The following SNX29 variants were observed in gnomAD, a reference collection of about 807,000 sequenced individuals.
SNX29 encodes sorting nexin 29, also known as sorting nexin-29.
In SNX29, 78 loss-of-function variants were observed where a neutral mutation model predicts 102.1. The ratio of observed to expected loss-of-function variants is 0.76; its 90% CI spans 0.64 to 0.92. The LOEUF is 0.92. Among genes scored for constraint, SNX29 ranks in the 40% least tolerant of loss-of-function variants. SNX29 has a pLI of 0.00. For missense variants in SNX29, 1,280 were observed against 1,061.7 expected, an observed-to-expected ratio of 1.21 and a Z score of -2.86; for synonymous variants, 580 against 414.5, an observed-to-expected ratio of 1.40 and a Z score of -4.85.
chr16:12,560,864 A>C (rs1055380728), intron 20 of SNX29: 1 of 185,070 alleles, frequency 5.4e-6, no homozygotes, highest in African/African-American at 2.3e-5. Flanking sequence ...AATTGGTGTT[A>C]GTCCTTTAGT....
At chr16:12,360,645 C>T (rs74008988) in intron 16 of SNX29, among the ~76,000 whole-genome samples, 6,611 of 151,046 alleles carry the variant, frequency 0.044, 285 homozygotes, top group African/African-American at 0.11. Context: ...TAATCCCCAT[C>T]CCCCCACCCC....
chr16:12,554,972 G>GGGGGGT (rs1457202578), intron 20 of SNX29, among the ~76,000 whole-genome samples: 21 of 151,128 alleles, frequency 1.4e-4, no homozygotes, highest in African/African-American at 4.9e-4. Context: ...TGGTGAGGGG[G>GGGGGGT]GTCAGTCAGC....
intron 19 of SNX29, among the ~76,000 whole-genome samples, chr16:12,509,666 C>T (rs748098410): frequency 3.9e-5 from 6 of 152,156 alleles, no homozygotes; most frequent in Admixed American, 2.0e-4. Context: ...CACCTGTAAT[C>T]GCAGCACTTT....
chr16:12,072,929 C>T (rs934107431), intron 10 of SNX29, among the ~76,000 whole-genome samples: 1 of 152,188 alleles, frequency 6.6e-6, no homozygotes, highest in African/African-American at 2.4e-5. Context: ...TTATCCATTT[C>T]TTCTAGATTT....
At chr16:12,244,707 G>A (rs2078211406) in intron 14 of SNX29, among the ~76,000 whole-genome samples, 1 of 152,098 alleles carries the variant, frequency 6.6e-6, no homozygotes, top group African/African-American at 2.4e-5. Flanking sequence ...TCAGAGCCCT[G>A]GTATCTAAAT....
rs75970447 is a variant in SNX29 at position 12,570,802 on chromosome 16, G to T, written c.*2173G>T. The T allele has an allele frequency of 7.5e-3, 1,754 of 232,558 alleles. 33 individuals carry two copies. Among genetic ancestry groups the T allele is most frequent in the African/African-American group, 0.036 (1,649 of 45,422 alleles). The allele number at this position is 232,558 out of a possible 1,614,324, so 14.4% of individuals were successfully genotyped here. A position where few individuals can be genotyped will look rare whatever the true frequency, so the allele number is the denominator to read the frequency against. ...ATGCAACAGTCCCCCATTGCTGAGAGATACTAACCCGTGAGAAACAAGTAT... is the reference window on the plus strand; with the variant it reads ...ATGCAACAGTCCCCCATTGCTGAGATATACTAACCCGTGAGAAACAAGTAT... On this transcript the variant is annotated 3_prime_UTR_variant, in exon 21 of 21. Coordinates refer to ENST00000566228, the MANE Select transcript of SNX29 (RefSeq NM_032167.5).
chr16:12,225,951 G>A (rs1310463762), intron 14 of SNX29, among the ~76,000 whole-genome samples: 2 of 152,166 alleles, frequency 1.3e-5, no homozygotes, highest in Non-Finnish European at 2.9e-5. Flanking sequence ...ATTGAGTTCT[G>A]TGTTTTACAC....
chr16:12,316,879 A>G (rs2080762517), intron 15 of SNX29, among the ~76,000 whole-genome samples: 1 of 152,184 alleles, frequency 6.6e-6, no homozygotes, highest in Admixed American at 6.5e-5. Flanking sequence ...TTGGGAAGGT[A>G]TGGAGGGGAT....
Position 12,570,393 on chromosome 16 carries a change from C to T in SNX29, c.*1764C>T, listed in dbSNP as rs868513780. On this transcript the variant is annotated 3_prime_UTR_variant, in exon 21 of 21. Transcript: ENST00000566228. The stretch of plus-strand genomic sequence containing the variant: ...CATGGTTTATCTGAAATTCCAAGGC[C>T]AGAGTGCACATCAGCTCACATGACT... 18 of 320,112 alleles carry T rather than the reference C, an allele frequency of 5.6e-5. No homozygotes were observed. In the Middle Eastern group the frequency reaches 4.1e-3, roughly 73 times the overall value. 19.8% of individuals were successfully genotyped at this position (320,112 alleles called of 1,614,324 possible). A position where few individuals can be genotyped will look rare whatever the true frequency, so the allele number is the denominator to read the frequency against.
At chr16:12,239,033 T>A (rs181105539) in intron 14 of SNX29, among the ~76,000 whole-genome samples, 12 of 152,340 alleles carry the variant, frequency 7.9e-5, no homozygotes, top group Admixed American at 7.8e-4. Flanking sequence ...AGGAGTCTCA[T>A]CTCACAACTT....
At chr16:12,516,299 G>A (rs981543237) in intron 19 of SNX29, among the ~76,000 whole-genome samples, 2 of 152,068 alleles carry the variant, frequency 1.3e-5, no homozygotes, top group Non-Finnish European at 2.9e-5. Context: ...GGGCAACATA[G>A]TGAGACCCCG....
At chr16:12,214,143 G>A (rs926863934) in intron 14 of SNX29, among the ~76,000 whole-genome samples, 128 of 152,272 alleles carry the variant, frequency 8.4e-4, no homozygotes, top group African/African-American at 2.9e-3. Context: ...CCTGGCAGGG[G>A]CTTTCTTCTC....
At chr16:12,154,629 C>A (rs2055457059) in intron 13 of SNX29, among the ~76,000 whole-genome samples, 1 of 152,198 alleles carries the variant, frequency 6.6e-6, no homozygotes, top group Non-Finnish European at 1.5e-5. Flanking sequence ...CTTAGTCCAT[C>A]CGGGCTACTA....
At chr16:12,207,923 A>C (rs958919604) in intron 14 of SNX29, among the ~76,000 whole-genome samples, 8 of 152,134 alleles carry the variant, frequency 5.3e-5, no homozygotes, top group Non-Finnish European at 8.8e-5. Flanking sequence ...ACTTAGAAAC[A>C]TGCAGGTTTT....
chr16:12,202,066 C>T (rs1195163718), intron 14 of SNX29, among the ~76,000 whole-genome samples: 1 of 152,176 alleles, frequency 6.6e-6, no homozygotes, highest in Non-Finnish European at 1.5e-5. Context: ...GCAGCTCTTA[C>T]ATGAATTAGA....
At chr16:12,320,819 T>C (rs1263931413) in intron 15 of SNX29, among the ~76,000 whole-genome samples, 1 of 152,246 alleles carries the variant, frequency 6.6e-6, no homozygotes, top group East Asian at 1.9e-4. Context: ...CGTGTTCCAA[T>C]TCTTTAGATG....
At chr16:12,218,877 C>G (rs1205434063) in intron 14 of SNX29, among the ~76,000 whole-genome samples, 8 of 152,152 alleles carry the variant, frequency 5.3e-5, no homozygotes, top group African/African-American at 1.9e-4. Context: ...CGGGTTCACG[C>G]CATTCTCCTG....
At chr16:12,266,413 G>C (rs2078930040) in intron 14 of SNX29, among the ~76,000 whole-genome samples, 1 of 152,142 alleles carries the variant, frequency 6.6e-6, no homozygotes, top group African/African-American at 2.4e-5. Context: ...GATTTCAGTT[G>C]CAAGTCCATG....
chr16:12,555,538 G>C lies in SNX29; in HGVS notation c.2319-12968G>C, dbSNP rs1479793050. ...TGGACAGCGCCCCTGCTCTCTGGGAGGTCATACCGTGGGTTTGAGCACCCT... is the reference window on the plus strand; with the variant it reads ...TGGACAGCGCCCCTGCTCTCTGGGACGTCATACCGTGGGTTTGAGCACCCT... On this transcript the variant is annotated intron_variant, in intron 20 of 20. Transcript: ENST00000566228. Among the ~76,000 whole-genome samples, 4 of 151,390 alleles carry C rather than the reference G, an allele frequency of 2.6e-5. No individual in the cohort carries two copies. In the South Asian group the frequency reaches 8.4e-4, roughly 32 times the overall value.
Sources: gnomAD v4.1 joint callset for allele counts (sites outside exome capture counted in the v4.1 genomes callset) on GRCh38, gnomAD v4.1.1 for gene constraint, MANE v1.5 for transcripts, NCBI Gene and HGNC (gene_info 2026-07-23, HGNC 2026-07-21) for gene names.